LRP1B: variants seen among roughly 807,000 people sequenced by gnomAD.
The protein encoded by LRP1B is low-density lipoprotein receptor-related protein 1B.
Under a neutral mutation model 556.6 loss-of-function variants are expected in LRP1B, and 217 were observed. That is an observed-to-expected ratio of 0.39 (90% CI 0.35 to 0.44). The LOEUF (loss-of-function observed/expected upper bound fraction) is 0.44, where lower values mean the gene tolerates loss of function less well. Ranked by LOEUF, LRP1B falls within the 20% of genes least tolerant of loss-of-function variation. The pLI, the probability that LRP1B is intolerant of heterozygous loss-of-function variation, is 1.00. For synonymous variants in LRP1B, 2,047 were observed against 1,865.8 expected, an observed-to-expected ratio of 1.10 and a Z score of -2.50; for missense variants, 5,053 against 5,620.8, an observed-to-expected ratio of 0.90 and a Z score of 3.23.
At chr2:141,701,839 A>T (rs955054361) in intron 2 of LRP1B, among the ~76,000 whole-genome samples, 6 of 151,850 alleles carry the variant, frequency 4.0e-5, no homozygotes, top group Non-Finnish European at 8.8e-5. Context: ...GGAATAACTC[A>T]ATTTTCAATA....
chr2:141,935,381 C>A (rs1700608231), intron 1 of LRP1B, among the ~76,000 whole-genome samples: 1 of 151,992 alleles, frequency 6.6e-6, no homozygotes, highest in Non-Finnish European at 1.5e-5. Context: ...TTAAGTTATT[C>A]ATTATTAGAG....
chr2:140,803,058 TC>T (rs957625433), intron 32 of LRP1B, among the ~76,000 whole-genome samples: 10 of 152,022 alleles, frequency 6.6e-5, no homozygotes, highest in African/African-American at 2.4e-4. Context: ...CCTCATGAAG[TC>T]CCCCTCTGAA....
At position 141,314,861 on chromosome 2, in the gene LRP1B, T is replaced by C. The variant is rs951315249; in HGVS notation, c.344-60220A>G. Among the ~76,000 whole-genome samples, 14 of 142,418 alleles carry C rather than the reference T, an allele frequency of 9.8e-5. No individual in the cohort carries two copies. The East Asian group carries it at 2.8e-3, about 29-fold the overall frequency. 93.4% of individuals were successfully genotyped at this position (142,418 alleles called of 152,430 possible). On this transcript the variant is annotated intron_variant, in intron 3 of 90. Coordinates refer to ENST00000389484, the MANE Select transcript of LRP1B (RefSeq NM_018557.3). Reference sequence around the variant, plus strand: ...ATATATATACACATATATATACATATATATACATATATACATACATATATA... The same window carrying C: ...ATATATATACACATATATATACATACATATACATATATACATACATATATA...
intron 3 of LRP1B, among the ~76,000 whole-genome samples, chr2:141,388,310 C>T (rs1015575195): frequency 6.6e-6 from 1 of 152,066 alleles, no homozygotes; most frequent in African/African-American, 2.4e-5. Flanking sequence ...GTGGTGGGTG[C>T]CTGTAATCCC....
At chr2:140,779,262 T>A (rs2104958029) in intron 32 of LRP1B, among the ~76,000 whole-genome samples, 1 of 152,302 alleles carries the variant, frequency 6.6e-6, no homozygotes, top group South Asian at 2.1e-4. Flanking sequence ...TACAAAGAAT[T>A]ACCCAGTCCT....
intron 1 of LRP1B, among the ~76,000 whole-genome samples, chr2:141,964,955 C>CA (rs1359276973): frequency 1.3e-5 from 2 of 149,264 alleles, no homozygotes; most frequent in Non-Finnish European, 3.0e-5. Flanking sequence ...AGACACTTCT[C>CA]AAAAAAAGAC....
chr2:140,772,562 G>A (rs149917051), intron 33 of LRP1B, among the ~76,000 whole-genome samples: 33 of 152,112 alleles, frequency 2.2e-4, no homozygotes, highest in Admixed American at 7.9e-4. Flanking sequence ...CATCCACCTC[G>A]GCCTCCTGAA....
intron 6 of LRP1B, among the ~76,000 whole-genome samples, chr2:141,215,278 G>A (rs1001606338): frequency 6.6e-5 from 10 of 152,136 alleles, no homozygotes; most frequent in South Asian, 4.1e-4. Flanking sequence ...GCAGATGCTC[G>A]CATTATGCTT....
At chr2:141,615,669 T>C (rs549670092) in intron 2 of LRP1B, among the ~76,000 whole-genome samples, 46 of 152,176 alleles carry the variant, frequency 3.0e-4, no homozygotes, top group African/African-American at 1.1e-3. Flanking sequence ...AAATAAGAAA[T>C]TAAAATTGAA....
intron 23 of LRP1B, 26 bp from the exon 24 acceptor site, chr2:140,886,361 G>C (rs1000648914): frequency 9.9e-6 from 13 of 1,319,554 alleles, no homozygotes; most frequent in Admixed American, 4.2e-5. Flanking sequence ...TTTTTAATAG[G>C]CTTATGAAAA....
intron 3 of LRP1B, among the ~76,000 whole-genome samples, chr2:141,392,019 C>T (rs145222858): frequency 2.4e-4 from 37 of 152,130 alleles, no homozygotes; most frequent in African/African-American, 8.7e-4. Flanking sequence ...GGGGATGGAG[C>T]ATATGTTTAG....
intron 1 of LRP1B, among the ~76,000 whole-genome samples, chr2:142,004,343 G>A (rs976848834): frequency 3.3e-5 from 5 of 152,108 alleles, no homozygotes; most frequent in Admixed American, 2.6e-4. Context: ...AGAATGACCT[G>A]AGGTGTAAAA....
intron 2 of LRP1B, among the ~76,000 whole-genome samples, chr2:141,621,167 T>C (rs760719995): frequency 2.0e-5 from 3 of 152,230 alleles, no homozygotes; most frequent in Non-Finnish European, 2.9e-5. Flanking sequence ...TAAAATTATA[T>C]ATGCCTATAA....
At chr2:141,706,719 T>C (rs1174560500) in intron 2 of LRP1B, among the ~76,000 whole-genome samples, 2 of 152,138 alleles carry the variant, frequency 1.3e-5, no homozygotes, top group South Asian at 2.1e-4. Flanking sequence ...TCTCTCTTAA[T>C]ATCTCGTTAG....
At position 141,227,939 on chromosome 2, in the gene LRP1B, T is replaced by A. The variant is rs1683308820; in HGVS notation, c.850+1244A>T. Among the ~76,000 whole-genome samples, 4 of 152,280 alleles carry A rather than the reference T, an allele frequency of 2.6e-5. No homozygotes were observed. In the South Asian group the frequency reaches 8.3e-4, roughly 32 times the overall value. ...TGTCTCTTCATTTCTCTTCTCTTTCTTTTTAAGACAGAGTTTTGCTCTTGT... is the reference window on the plus strand; with the variant it reads ...TGTCTCTTCATTTCTCTTCTCTTTCATTTTAAGACAGAGTTTTGCTCTTGT... On this transcript the variant is annotated intron_variant, in intron 6 of 90. Coordinates refer to ENST00000389484, the MANE Select transcript of LRP1B (RefSeq NM_018557.3).
At chr2:140,700,946 T>C (rs1686616575) in intron 40 of LRP1B, among the ~76,000 whole-genome samples, 1 of 152,106 alleles carries the variant, frequency 6.6e-6, no homozygotes, top group Admixed American at 6.6e-5. Flanking sequence ...ATATTGTTCA[T>C]TTAAAACATG....
intron 2 of LRP1B, among the ~76,000 whole-genome samples, chr2:141,807,935 G>T (rs950693128): frequency 2.0e-5 from 3 of 152,052 alleles, no homozygotes; most frequent in Non-Finnish European, 2.9e-5. Context: ...GACATAGGAG[G>T]ATGGCAGAAT....
intron 2 of LRP1B, among the ~76,000 whole-genome samples, chr2:141,507,852 G>A (rs903573166): frequency 2.0e-5 from 3 of 151,990 alleles, no homozygotes; most frequent in Non-Finnish European, 4.4e-5. Flanking sequence ...TTGGGAGTCC[G>A]AGGTGGATGG....
chr2:141,881,889 G>A (rs1698969803), intron 1 of LRP1B, among the ~76,000 whole-genome samples: 1 of 152,048 alleles, frequency 6.6e-6, no homozygotes, highest in South Asian at 2.1e-4. Flanking sequence ...TATAATTTAT[G>A]TGGGGAACTC....
Sources: gnomAD v4.1 joint callset for allele counts (sites outside exome capture counted in the v4.1 genomes callset) on GRCh38, gnomAD v4.1.1 for gene constraint, MANE v1.5 for transcripts, NCBI Gene and HGNC (gene_info 2026-07-23, HGNC 2026-07-21) for gene names.